The following CHSY3 variants were observed in gnomAD, a reference collection of about 807,000 sequenced individuals.
The protein encoded by CHSY3 is chondroitin sulfate synthase 3, also known as N-acetylgalactosaminyl-proteoglycan 3-beta-glucuronosyltransferase 3.
A neutral mutation model predicts 67.2 loss-of-function variants in CHSY3; 35 were observed. The ratio of observed to expected loss-of-function variants is 0.52; its 90% confidence interval spans 0.40 to 0.69. The LOEUF is 0.69. CHSY3 is among the 30% of genes least tolerant of loss of function. The probability of loss-of-function intolerance (pLI) is 0.00; values close to 1 mark genes in which losing one functional copy is unlikely to be tolerated. For missense variants in CHSY3, 1,069 were observed against 1,138.5 expected (o/e 0.94, Z 0.88); for synonymous variants, 474 against 434.7 (o/e 1.09, Z -1.12).
chr5:130,089,110 A>T lies in CHSY3; in HGVS notation c.1087-95119A>T, dbSNP rs189922305. ...AATTGGAAATCATCATTCTCAGTAA[A>T]CTATTGCAAGGACAAAAAACCAAAC... On this transcript the variant is annotated intron_variant, in intron 2 of 2. Coordinates refer to ENST00000305031, the MANE Select transcript of CHSY3 (RefSeq NM_175856.5). Among the ~76,000 whole-genome samples the T allele has an allele frequency of 9.1e-3, 1,377 of 151,290 alleles. 26 individuals carry two copies. The highest frequency in any genetic ancestry group is 0.032 in the African/African-American group (1,324 of 41,270).
At chr5:129,980,165 C>G (rs1242402404) in intron 2 of CHSY3, among the ~76,000 whole-genome samples, 1 of 152,162 alleles carries the variant, frequency 6.6e-6, no homozygotes, top group African/African-American at 2.4e-5. Flanking sequence ...TGTAAAAAAT[C>G]ACCAAACTGT....
intron 2 of CHSY3, among the ~76,000 whole-genome samples, chr5:130,077,219 T>A (rs1295440056): frequency 6.6e-6 from 1 of 152,030 alleles, no homozygotes; most frequent in East Asian, 1.9e-4. Context: ...AGAAGAAGTA[T>A]GAGGCCTGCT....
chr5:130,086,372 C>A (rs576332270), intron 2 of CHSY3, among the ~76,000 whole-genome samples: 3,400 of 152,052 alleles, frequency 0.022, 125 homozygotes, highest in African/African-American at 0.076. Flanking sequence ...TAATGGCTTT[C>A]TTTGTCTCTT....
intron 2 of CHSY3, among the ~76,000 whole-genome samples, chr5:129,970,557 G>A (rs778829428): frequency 6.6e-6 from 1 of 151,838 alleles, no homozygotes; most frequent in African/African-American, 2.4e-5. Flanking sequence ...ATAGATAAAA[G>A]TGTAATCTTA....
chr5:130,099,307 G>A (rs1397469405), intron 2 of CHSY3, among the ~76,000 whole-genome samples: 1 of 152,180 alleles, frequency 6.6e-6, no homozygotes, highest in Non-Finnish European at 1.5e-5. Context: ...GGAAGGCAAT[G>A]CTTTCCATTC....
intron 2 of CHSY3, chr5:130,002,052 T>C (rs889193175): frequency 1.2e-5 from 11 of 885,274 alleles, no homozygotes; most frequent in African/African-American, 1.8e-5. Flanking sequence ...CTCACTACTT[T>C]AGCAGTAGAA....
At chr5:130,130,988 C>G (rs1280392752) in intron 2 of CHSY3, among the ~76,000 whole-genome samples, 1 of 152,126 alleles carries the variant, frequency 6.6e-6, no homozygotes, top group African/African-American at 2.4e-5. Flanking sequence ...TCAGAGCTTG[C>G]TTTTCATCTC....
intron 2 of CHSY3, among the ~76,000 whole-genome samples, chr5:129,984,939 A>T (rs1279200130): frequency 6.6e-6 from 1 of 152,138 alleles, no homozygotes; most frequent in Non-Finnish European, 1.5e-5. Flanking sequence ...TGAGGAATGC[A>T]TAATATCCAA....
intron 2 of CHSY3, among the ~76,000 whole-genome samples, chr5:130,159,013 C>T (rs1769449720): frequency 6.6e-6 from 1 of 152,100 alleles, no homozygotes; most frequent in South Asian, 2.1e-4. Context: ...GTTGCCCAGT[C>T]TGTCTCGAAC....
chr5:129,944,202 A>G lies in CHSY3; in HGVS notation c.1086+35842A>G, dbSNP rs183779168. 2.0e-3 allele frequency among the ~76,000 whole-genome samples: 309 copies of G among 152,332 alleles called. 3 individuals are homozygous for G. Among genetic ancestry groups the G allele is most frequent in the Middle Eastern group, 6.8e-3 (2 of 294 alleles). ...AGGTCTCCTTACTTCAACAGAGATA[A>G]GTGACCCATCTGAACATCCATGAGT... On this transcript the variant is annotated intron_variant, in intron 2 of 2. Coordinates refer to ENST00000305031, the MANE Select transcript of CHSY3 (RefSeq NM_175856.5).
At chr5:130,172,540 A>G (rs933921205) in intron 2 of CHSY3, among the ~76,000 whole-genome samples, 2 of 152,056 alleles carry the variant, frequency 1.3e-5, no homozygotes, top group African/African-American at 2.4e-5. Context: ...CATGTTGCCC[A>G]GGCTGGTCTC....
chr5:129,926,927 A>T (rs1216540649), intron 2 of CHSY3, among the ~76,000 whole-genome samples: 2 of 151,974 alleles, frequency 1.3e-5, no homozygotes, highest in Admixed American at 6.6e-5. Context: ...ATTTATTGAA[A>T]TTGATCTGTT....
At chr5:129,916,366 A>G (rs1404562843) in intron 2 of CHSY3, among the ~76,000 whole-genome samples, 1 of 152,124 alleles carries the variant, frequency 6.6e-6, no homozygotes, top group Non-Finnish European at 1.5e-5. Context: ...GGCCCCCCAA[A>G]CCGCGGAGCA....
chr5:130,095,672 T>C (rs1005238463), intron 2 of CHSY3, among the ~76,000 whole-genome samples: 1 of 152,200 alleles, frequency 6.6e-6, no homozygotes, highest in Non-Finnish European at 1.5e-5. Flanking sequence ...ACAGTAACAA[T>C]TGCTGCAAGG....
chr5:130,140,591 G>T, intron 2 of CHSY3: 1 of 469,666 alleles, frequency 2.1e-6, no homozygotes, highest in Non-Finnish European at 3.7e-6. Flanking sequence ...GGTTGGAGCT[G>T]AAAGAAACAT....
At chr5:130,026,451 T>C (rs1764545538) in intron 2 of CHSY3, among the ~76,000 whole-genome samples, 1 of 152,068 alleles carries the variant, frequency 6.6e-6, no homozygotes, top group Non-Finnish European at 1.5e-5. Flanking sequence ...AGGATTTCCT[T>C]CAATAGAATT....
intron 2 of CHSY3, among the ~76,000 whole-genome samples, chr5:130,088,854 C>A (rs1055533725): frequency 8.5e-5 from 13 of 152,066 alleles, no homozygotes; most frequent in Non-Finnish European, 1.6e-4. Flanking sequence ...CCATTTGACC[C>A]AGCCATCCCA....
chr5:130,048,462 A>G (rs775320106), intron 2 of CHSY3, among the ~76,000 whole-genome samples: 3 of 151,916 alleles, frequency 2.0e-5, no homozygotes, highest in Non-Finnish European at 2.9e-5. Flanking sequence ...CTTTTTGTAT[A>G]ATTAATACAG....
In CHSY3 at chr5:130,057,246, T is replaced by A. The variant is rs7447108; in HGVS notation, c.1087-126983T>A. Among the ~76,000 whole-genome samples, 10 of 152,172 alleles carry A rather than the reference T, an allele frequency of 6.6e-5. No individual in the cohort carries two copies. The East Asian group carries it at 1.9e-3, about 29-fold the overall frequency. ...GCCATATTTTTAGCATTTCTTTTTT[T>A]AAAAAACCACCTGAAATTATGGGGA... On this transcript the variant is annotated intron_variant, in intron 2 of 2. Coordinates refer to ENST00000305031, the MANE Select transcript of CHSY3 (RefSeq NM_175856.5).
Sources: gnomAD v4.1 joint callset for allele counts (sites outside exome capture counted in the v4.1 genomes callset) on GRCh38, gnomAD v4.1.1 for gene constraint, MANE v1.5 for transcripts, NCBI Gene and HGNC (gene_info 2026-07-23, HGNC 2026-07-21) for gene names.